The following SERPINB7 variants were observed in gnomAD, a reference collection of about 807,000 sequenced individuals.
The protein encoded by SERPINB7 is serpin B7.
Under a neutral mutation model 37.4 loss-of-function variants are expected in SERPINB7, and 31 were observed. The observed-to-expected ratio is 0.83, with a 90% CI of 0.62 to 1.12. The LOEUF (loss-of-function observed/expected upper bound fraction) is 1.12, where lower values mean the gene tolerates loss of function less well. Among genes scored for constraint, SERPINB7 ranks in the 50% most tolerant of loss-of-function variants. SERPINB7 has a pLI of 0.00. For synonymous variants in SERPINB7, 163 were observed against 166.1 expected, an observed-to-expected ratio of 0.98 and a Z score of 0.14; for missense variants, 521 against 455.3, an observed-to-expected ratio of 1.14 and a Z score of -1.31.
chr18:63,783,223 A>AGG (rs2049326092), intron 2 of SERPINB7, among the ~76,000 whole-genome samples: 1 of 74,476 alleles, frequency 1.3e-5, no homozygotes, highest in Non-Finnish European at 2.8e-5. Flanking sequence ...AGAGAGAGAG[A>AGG]GAGAGAGAGA....
intron 4 of SERPINB7, among the ~76,000 whole-genome samples, chr18:63,793,529 G>C (rs1401664299): frequency 6.6e-6 from 1 of 152,190 alleles, no homozygotes; most frequent in African/African-American, 2.4e-5. Context: ...TGGTAGGGAT[G>C]CTGAGCTGTA....
At chr18:63,792,242 A>T (rs566425616) in intron 2 of SERPINB7, 151 bp from the exon 3 acceptor site, 329 of 551,724 alleles carry the variant, frequency 6.0e-4, no homozygotes, top group Non-Finnish European at 9.8e-4. Flanking sequence ...ATTCAGAGTC[A>T]TGGGGAGAAT....
intron 7 of SERPINB7, among the ~76,000 whole-genome samples, chr18:63,801,497 TAAAG>T (rs2049548945): frequency 6.6e-6 from 1 of 152,128 alleles, no homozygotes; most frequent in Non-Finnish European, 1.5e-5. Flanking sequence ...AGCATTGTAG[TAAAG>T]AGAGTTTAAT....
chr18:63,782,818 T>G (rs28393873), intron 2 of SERPINB7, among the ~76,000 whole-genome samples: 9,102 of 152,168 alleles, frequency 0.06, 325 homozygotes, highest in Middle Eastern at 0.099. Context: ...ACCAGGATCA[T>G]CAGCACCGCC....
intron 4 of SERPINB7, among the ~76,000 whole-genome samples, chr18:63,794,659 C>A (rs917109359): frequency 1.3e-5 from 2 of 151,928 alleles, no homozygotes; most frequent in African/African-American, 4.8e-5. Flanking sequence ...CACTGCACTC[C>A]GGCCTGGGCG....
At chr18:63,760,458 C>G (rs2049147135) in intron 1 of SERPINB7, among the ~76,000 whole-genome samples, 1 of 152,166 alleles carries the variant, frequency 6.6e-6, no homozygotes, top group South Asian at 2.1e-4. Context: ...AAGAAAAACC[C>G]ATTTTCTGGG....
At chr18:63,789,580 T>TA (rs1314341867) in intron 2 of SERPINB7, among the ~76,000 whole-genome samples, 4 of 152,102 alleles carry the variant, frequency 2.6e-5, no homozygotes, top group African/African-American at 9.7e-5. Context: ...TAAAATTGAC[T>TA]AAAAAACTGA....
chr18:63,789,248 A>G (rs1167603553), intron 2 of SERPINB7, among the ~76,000 whole-genome samples: 1 of 152,134 alleles, frequency 6.6e-6, no homozygotes, highest in Non-Finnish European at 1.5e-5. Flanking sequence ...GAAGGATACA[A>G]AGGGACCACC....
At chr18:63,798,411 G>T (rs2049510647) in intron 5 of SERPINB7, among the ~76,000 whole-genome samples, 193 bp from the exon 6 acceptor site, 1 of 152,072 alleles carries the variant, frequency 6.6e-6, no homozygotes, top group African/African-American at 2.4e-5. Context: ...ATTATGTAAG[G>T]ATTAAACCAA....
At chr18:63,786,746 T>C (rs920799690) in intron 2 of SERPINB7, among the ~76,000 whole-genome samples, 1 of 152,170 alleles carries the variant, frequency 6.6e-6, no homozygotes, top group Non-Finnish European at 1.5e-5. Context: ...CTGATTTCCC[T>C]ACATAAGCAC....
intron 1 of SERPINB7, among the ~76,000 whole-genome samples, chr18:63,782,090 T>A (rs532375989): frequency 6.6e-6 from 1 of 152,300 alleles, no homozygotes; most frequent in African/African-American, 2.4e-5. Flanking sequence ...GCCCCATGAA[T>A]GTGTCTGCTT....
intron 1 of SERPINB7, among the ~76,000 whole-genome samples, chr18:63,776,105 T>C (rs2049244989): frequency 6.6e-6 from 1 of 152,152 alleles, no homozygotes; most frequent in Admixed American, 6.5e-5. Context: ...AGATCAATTA[T>C]CAGTTATACA....
At chr18:63,792,993 T>G (rs2049444663) in intron 3 of SERPINB7, among the ~76,000 whole-genome samples, 168 bp from the exon 4 acceptor site, 1 of 152,234 alleles carries the variant, frequency 6.6e-6, no homozygotes, top group Non-Finnish European at 1.5e-5. Context: ...ACAGACACTA[T>G]TTTGAGAAAG....
At chr18:63,768,707 T>C (rs1427445272) in intron 1 of SERPINB7, among the ~76,000 whole-genome samples, 1 of 151,998 alleles carries the variant, frequency 6.6e-6, no homozygotes, top group Non-Finnish European at 1.5e-5. Context: ...CTCTGACAAA[T>C]GCAAAAAAAA....
chr18:63,795,287 G>A (rs549979043), intron 4 of SERPINB7, among the ~76,000 whole-genome samples: 3 of 152,166 alleles, frequency 2.0e-5, no homozygotes, highest in East Asian at 1.9e-4. Context: ...GGGACCAGGC[G>A]TGGTAGCTCA....
intron 1 of SERPINB7, chr18:63,753,260 C>T (rs2049102441): frequency 6.6e-6 from 1 of 152,220 alleles, no homozygotes; most frequent in African/African-American, 2.4e-5. Flanking sequence ...CCTCTGGCAT[C>T]TGGGATTCTG....
At chr18:63,791,298 A>G (rs1404166005) in intron 2 of SERPINB7, among the ~76,000 whole-genome samples, 1 of 152,220 alleles carries the variant, frequency 6.6e-6, no homozygotes, top group African/African-American at 2.4e-5. Context: ...ATAAAAATAA[A>G]TAAATATTTT....
rs201378665 is a variant in SERPINB7, at chr18:63,786,625, T to A, written c.168+4085T>A. ...GGATGATTCATAGTATCTTTTTTTTTAAAAAAAATCCTTAATCCAAATGTC... is the reference window on the plus strand; with the variant it reads ...GGATGATTCATAGTATCTTTTTTTTAAAAAAAAATCCTTAATCCAAATGTC... On this transcript the variant is annotated intron_variant, in intron 2 of 7. Coordinates refer to ENST00000398019, the MANE Select transcript of SERPINB7 (RefSeq NM_003784.4). Among the ~76,000 whole-genome samples, 74 of 127,486 alleles carry A rather than the reference T, an allele frequency of 5.8e-4. 1 individual carries two copies. Among genetic ancestry groups the A allele is most frequent in the South Asian group, 1.8e-3 (7 of 3,844 alleles). 83.6% of individuals were successfully genotyped at this position (127,486 alleles called of 152,430 possible).
chr18:63,775,389 G>C (rs2049237445), upstream of SERPINB7: 1 of 152,134 alleles, frequency 6.6e-6, no homozygotes, highest in Admixed American at 6.6e-5. Flanking sequence ...TGAGTCATAG[G>C]GAAGCCATCC....
Sources: allele counts gnomAD v4.1 joint callset (sites outside exome capture counted in the v4.1 genomes callset), GRCh38; gene constraint gnomAD v4.1.1; transcripts MANE v1.5; gene names NCBI Gene and HGNC (gene_info 2026-07-23, HGNC 2026-07-21).